Variants in ADGRV1 observed in about 807,000 individuals in gnomAD.
ADGRV1 encodes the protein G-protein coupled receptor 98.
A neutral mutation model predicts 596.2 loss-of-function variants in ADGRV1; 359 were observed. The ratio of observed to expected loss-of-function variants is 0.60; its 90% CI spans 0.55 to 0.66. The LOEUF (loss-of-function observed/expected upper bound fraction) is 0.66. ADGRV1 is among the 30% of genes least tolerant of loss of function. The pLI is 0.00. For synonymous variants in ADGRV1, 2,681 were observed against 2,679.2 expected (o/e 1.00, Z -0.02); for missense variants, 7,274 against 7,575.6 (o/e 0.96, Z 1.48).
chr5:90,647,564 TTGA>T lies in ADGRV1; in HGVS notation c.3092_3094del (p.Asp1031del), dbSNP rs1332905887. On this transcript the variant is annotated inframe_deletion, in exon 17 of 90. Transcript: ENST00000405460. ...TTTACAGTTCTCAGAAATGGATCTG[TTGA>T]TGTGACTTGCATGGTCCAGTATGCT... 1 of 1,613,890 alleles carries T rather than the reference TTGA, an allele frequency of 6.2e-7. No individual in the cohort carries two copies. Among genetic ancestry groups the T allele is most frequent in the Non-Finnish European group, 8.5e-7 (1 of 1,179,794 alleles).
chr5:90,658,362 A>G (rs1244774192), intron 21 of ADGRV1, 84 bp downstream of exon 21: 7 of 1,334,258 alleles, frequency 5.2e-6, no homozygotes, highest in South Asian at 3.8e-5. Flanking sequence ...TTCATTTGGT[A>G]AGATTGGTTG....
intron 83 of ADGRV1, among the ~76,000 whole-genome samples, chr5:90,937,051 T>G (rs963773229): frequency 6.6e-6 from 1 of 152,168 alleles, no homozygotes; most frequent in Non-Finnish European, 1.5e-5. Context: ...CAGTCCATTA[T>G]TCTAATGTAG....
chr5:91,127,973 G>A (rs1426219724), intron 87 of ADGRV1, among the ~76,000 whole-genome samples: 2 of 151,898 alleles, frequency 1.3e-5, no homozygotes, highest in Non-Finnish European at 2.9e-5. Flanking sequence ...AAATCTAATC[G>A]CTCTGGTTAG....
Position 90,821,244 on chromosome 5 carries a change from C to T in ADGRV1, c.16197-2181C>T, listed in dbSNP as rs1449111762. ...GCTTCTGCATTCTTCACGTAGTTCT[C>T]GAGCCTTGGTTTTCAGCTCCATCAG... On this transcript the variant is annotated intron_variant, in intron 75 of 89. Transcript: ENST00000405460. Among the ~76,000 whole-genome samples, 14 of 150,546 alleles carry T rather than the reference C, an allele frequency of 9.3e-5. No homozygotes were observed. In the East Asian group the frequency reaches 2.1e-3, roughly 23 times the overall value.
intron 85 of ADGRV1, among the ~76,000 whole-genome samples, chr5:91,058,243 A>G (rs887063488): frequency 2.6e-5 from 4 of 152,086 alleles, no homozygotes; most frequent in Admixed American, 1.3e-4. Context: ...CATGACCTCT[A>G]CTATCCCTTC....
intron 83 of ADGRV1, among the ~76,000 whole-genome samples, chr5:90,960,728 A>C (rs963193162): frequency 6.6e-6 from 1 of 152,148 alleles, no homozygotes; most frequent in African/African-American, 2.4e-5. Flanking sequence ...AAAGGTAAAC[A>C]TGAGTTCAAC....
At chr5:90,829,856 G>T (rs1399516238) in intron 77 of ADGRV1, among the ~76,000 whole-genome samples, 1 of 152,028 alleles carries the variant, frequency 6.6e-6, no homozygotes, top group Non-Finnish European at 1.5e-5. Context: ...AAGTATGATT[G>T]TTAGGATCAT....
chr5:90,922,445 A>G (rs760599735), intron 83 of ADGRV1, among the ~76,000 whole-genome samples: 1 of 152,014 alleles, frequency 6.6e-6, no homozygotes, highest in Non-Finnish European at 1.5e-5. Flanking sequence ...CTCATTCCCT[A>G]TATTCTATAC....
chr5:90,634,134 C>T (rs766957496), intron 9 of ADGRV1, among the ~76,000 whole-genome samples: 17 of 152,070 alleles, frequency 1.1e-4, no homozygotes, highest in Non-Finnish European at 2.2e-4. Context: ...TTTTTGCAGT[C>T]CTGTGACGAT....
chr5:91,162,425 G>A (rs1219190741), intron 89 of ADGRV1, among the ~76,000 whole-genome samples: 1 of 152,132 alleles, frequency 6.6e-6, no homozygotes, highest in Non-Finnish European at 1.5e-5. Context: ...TAAGAACGTC[G>A]TGTGAAAAGG....
rs202211640 is a variant in ADGRV1 at position 90,708,900 on chromosome 5, C to T, written c.8815C>T (p.Pro2939Ser). 412 of 1,607,268 alleles carry T rather than the reference C, an allele frequency of 2.6e-4. No individual in the cohort carries two copies. The African/African-American group carries it at 4.7e-3, about 18-fold the overall frequency. Residue 2939 changes from proline (P) to serine (S), a missense_variant, in exon 39 of 90, where the codon CCC becomes TCC. Pro to Ser is a moderately conservative substitution (Grantham distance 74, BLOSUM62 -1). Coordinates refer to ENST00000405460, the MANE Select transcript of ADGRV1 (RefSeq NM_032119.4). ...LTMAASTSFPPRLDSEGLTAQ... is the reference protein window; with the variant it reads ...LTMAASTSFPSRLDSEGLTAQ... ...CATGGCTGCTTCAACTTCATTTCCT[C>T]CCAGACTAGGTATGAGGGGTTTCTT...
chr5:90,619,143 T>C lies in ADGRV1; in HGVS notation c.415T>C (p.Ser139Pro). 6.7e-7 allele frequency: 1 copy of C among 1,502,168 alleles called. No homozygotes were observed. The highest frequency in any genetic ancestry group is 8.9e-7 in the Non-Finnish European group (1 of 1,119,788). The allele number at this position is 1,502,168 out of a possible 1,614,324, so 93.1% of individuals were successfully genotyped here. A position where few individuals can be genotyped will look rare whatever the true frequency, so the allele number is the denominator to read the frequency against. Residue 139 changes from serine (S) to proline (P), a missense_variant, in exon 4 of 90, where the codon TCA becomes CCA. This residue lies in a region of ADGRV1 where 1,715 missense variants were observed against 1,708.8 expected (regional missense o/e 1.00). Coordinates refer to ENST00000405460, the MANE Select transcript of ADGRV1 (RefSeq NM_032119.4). Reference sequence around the variant, plus strand: ...AAGGACTGTTACTGTGACAATATTATCAAATGACAATGCATTTGGAATTAT... The same window carrying C: ...AAGGACTGTTACTGTGACAATATTACCAAATGACAATGCATTTGGAATTAT... ...WPRTVTVTIL[S>P]NDNAFGIISF... is the part of the protein sequence containing the mutation.
At chr5:90,732,196 G>C (rs766324948) in intron 50 of ADGRV1, among the ~76,000 whole-genome samples, 134 of 152,230 alleles carry the variant, frequency 8.8e-4, no homozygotes, top group Non-Finnish European at 1.3e-3. Context: ...TAAAAGTGGA[G>C]TTTCTTTGTG....
intron 83 of ADGRV1, among the ~76,000 whole-genome samples, chr5:90,950,853 T>C (rs951741987): frequency 6.6e-6 from 1 of 152,158 alleles, no homozygotes; most frequent in African/African-American, 2.4e-5. Flanking sequence ...AGTAAATGAA[T>C]TATAAATAAT....
intron 82 of ADGRV1, among the ~76,000 whole-genome samples, chr5:90,860,251 A>G (rs1427318978): frequency 6.6e-6 from 1 of 151,924 alleles, no homozygotes; most frequent in Non-Finnish European, 1.5e-5. Flanking sequence ...CCCCTAATAC[A>G]CAGAACTTTT....
At chr5:91,094,615 C>A (rs1463855765) in intron 86 of ADGRV1, among the ~76,000 whole-genome samples, 1 of 152,016 alleles carries the variant, frequency 6.6e-6, no homozygotes, top group Non-Finnish European at 1.5e-5. Context: ...TTGTAGAGGA[C>A]AAATTTCAGA....
At position 90,594,905 on chromosome 5, in the gene ADGRV1, C is replaced by T. The variant is rs1283335768; in HGVS notation, c.23-19930C>T. Among the ~76,000 whole-genome samples the T allele has an allele frequency of 4.7e-5, 7 of 149,974 alleles. No homozygotes were observed. The East Asian group carries it at 7.9e-4, about 17-fold the overall frequency. ...ACTTCTTTCTACACAGACACGGCAA[C>T]CATCCGATTTCTCAATCTTTTCCCC... On this transcript the variant is annotated intron_variant, in intron 1 of 89. Coordinates refer to ENST00000405460, the MANE Select transcript of ADGRV1 (RefSeq NM_032119.4).
intron 83 of ADGRV1, among the ~76,000 whole-genome samples, 182 bp downstream of exon 83, chr5:90,864,039 T>G (rs972059561): frequency 6.6e-6 from 1 of 152,230 alleles, no homozygotes; most frequent in South Asian, 2.1e-4. Context: ...CCTAAAATGC[T>G]TCTTTCTACA....
intron 86 of ADGRV1, among the ~76,000 whole-genome samples, chr5:91,082,941 A>G (rs1036582538): frequency 2.0e-5 from 3 of 152,216 alleles, no homozygotes; most frequent in African/African-American, 7.2e-5. Context: ...ATAGTCTACA[A>G]TCCTTTGTAT....
Sources: allele counts gnomAD v4.1 joint callset (sites outside exome capture counted in the v4.1 genomes callset), GRCh38; gene constraint gnomAD v4.1.1; regional missense constraint gnomAD v4.1.1; transcripts MANE v1.5; gene names NCBI Gene and HGNC (gene_info 2026-07-23, HGNC 2026-07-21).